SYNE2: variants seen among roughly 807,000 people sequenced by gnomAD.
SYNE2 encodes the protein nesprin-2.
A neutral mutation model predicts 856.3 loss-of-function variants in SYNE2; 431 were observed. The observed-to-expected ratio is 0.50, with a 90% CI of 0.47 to 0.55. SYNE2 has a LOEUF of 0.55. Among genes scored for constraint, SYNE2 ranks in the 20% least tolerant of loss-of-function variants. SYNE2 has a pLI of 0.00. For synonymous variants in SYNE2, 2,923 were observed against 2,872.3 expected (o/e 1.02, Z -0.56); for missense variants, 8,129 against 8,023.2 (o/e 1.01, Z -0.50).
In SYNE2 at chr14:63,990,560, G is replaced by GA; in HGVS notation, c.2466dup (p.Val823SerfsTer17). Reference sequence around the variant, plus strand: ...AGGCAAAGATTCAAGAAGCTAAAGAGAAAGTCCAGGTCTCTCTTTAATATT... The same window carrying GA: ...AGGCAAAGATTCAAGAAGCTAAAGAGAAAAGTCCAGGTCTCTCTTTAATATT... On this transcript the variant is annotated frameshift_variant, in exon 20 of 116. Coordinates refer to ENST00000555002, the MANE Select transcript of SYNE2 (RefSeq NM_182914.3). LOFTEE classifies it high-confidence loss of function. 1 of 1,613,892 alleles carries GA rather than the reference G, an allele frequency of 6.2e-7. No individual in the cohort carries two copies. Among genetic ancestry groups the GA allele is most frequent in the Non-Finnish European group, 8.5e-7 (1 of 1,179,878 alleles).
chr14:64,129,953 A>G (rs1555501068), intron 75 of SYNE2, 52 bp downstream of exon 75: 3 of 1,613,916 alleles, frequency 1.9e-6, no homozygotes, highest in Non-Finnish European at 2.5e-6. Flanking sequence ...GAGGAGCCAG[A>G]TCCTTTTCTT....
chr14:64,087,240 G>A (rs1234001832), intron 57 of SYNE2, among the ~76,000 whole-genome samples: 1 of 152,058 alleles, frequency 6.6e-6, no homozygotes, highest in Non-Finnish European at 1.5e-5. Context: ...TTGTGTAAGT[G>A]AATGTTCTTT....
intron 45 of SYNE2, among the ~76,000 whole-genome samples, chr14:64,031,861 AAAG>A (rs1415413611): frequency 3.3e-5 from 5 of 152,254 alleles, no homozygotes; most frequent in African/African-American, 4.8e-5. Context: ...TAGGGAGAAG[AAAG>A]AAGAATGTTT....
Position 64,174,962 on chromosome 14 carries a change from C to G in SYNE2, c.17254C>G (p.Gln5752Glu). ...TTCTTAGAATAAAGAAATTCATTTT[C>G]AAAGGAGGCGAACTACCTGTGCCCT... ...HELKNKEIHF[Q>E]RRRTTCALTL... The change falls in exon 95 of 116, where the codon CAA (glutamine) becomes GAA (glutamate). Residue 5752 changes from glutamine to glutamate, a missense_variant. Physicochemically the swap from Gln to Glu is conservative, Grantham distance 29. Coordinates refer to ENST00000555002, the MANE Select transcript of SYNE2 (RefSeq NM_182914.3). 1 of 1,614,038 alleles carries G rather than the reference C, an allele frequency of 6.2e-7. No homozygotes were observed. Among genetic ancestry groups the G allele is most frequent in the South Asian group, 1.1e-5 (1 of 91,070 alleles).
At chr14:63,828,883 T>A (rs1343730656) in intron 1 of SYNE2, among the ~76,000 whole-genome samples, 1 of 152,118 alleles carries the variant, frequency 6.6e-6, no homozygotes, top group Non-Finnish European at 1.5e-5. Flanking sequence ...CTTTTGCAGA[T>A]ACCAAGGGAA....
At chr14:64,003,972 G>A (rs765850806) in intron 30 of SYNE2, among the ~76,000 whole-genome samples, 4 of 152,048 alleles carry the variant, frequency 2.6e-5, no homozygotes, top group East Asian at 1.9e-4. Flanking sequence ...AGCAACAGTC[G>A]CTTTTGTGGA....
At chr14:64,109,206 T>C (rs946814225) in intron 65 of SYNE2, among the ~76,000 whole-genome samples, 2 of 151,438 alleles carry the variant, frequency 1.3e-5, no homozygotes, top group African/African-American at 4.9e-5. Flanking sequence ...CTGCTTAATA[T>C]TGTTTCTGCT....
intron 99 of SYNE2, among the ~76,000 whole-genome samples, chr14:64,197,281 C>T (rs143897879): frequency 3.3e-5 from 5 of 152,232 alleles, no homozygotes; most frequent in Admixed American, 6.5e-5. Flanking sequence ...CGTCAGCATG[C>T]GTGTGGTGTC....
chr14:63,928,830 T>C (rs1275910919), intron 2 of SYNE2, among the ~76,000 whole-genome samples: 1 of 152,188 alleles, frequency 6.6e-6, no homozygotes, highest in Non-Finnish European at 1.5e-5. Flanking sequence ...AATTTAATTA[T>C]CATCCTTACC....
intron 1 of SYNE2, among the ~76,000 whole-genome samples, chr14:63,843,083 A>G (rs1225176834): frequency 1.3e-5 from 2 of 151,934 alleles, no homozygotes; most frequent in African/African-American, 4.8e-5. Flanking sequence ...GCTGGAGTAC[A>G]GGTGGAGTGC....
chr14:63,802,977 C>T (rs545519161), intron 1 of SYNE2, among the ~76,000 whole-genome samples: 43 of 152,174 alleles, frequency 2.8e-4, no homozygotes, highest in Middle Eastern at 6.8e-3. Flanking sequence ...TTGCAAAGAG[C>T]GAAAGAACAA....
At chr14:64,099,117 C>G in intron 63 of SYNE2, 1 of 398,930 alleles carries the variant, frequency 2.5e-6, no homozygotes, top group South Asian at 2.3e-5. Flanking sequence ...GTTTTGAGAG[C>G]ATGCTGTTTG....
chr14:63,858,115 A>T (rs1206991087), intron 1 of SYNE2, among the ~76,000 whole-genome samples: 2 of 151,286 alleles, frequency 1.3e-5, no homozygotes, highest in African/African-American at 4.9e-5. Context: ...TTTTTATTTT[A>T]TTATTTATTT....
In SYNE2 at chr14:64,128,343, A is replaced by G. The variant is rs374280186; in HGVS notation, c.13918-109A>G. On this transcript the variant is annotated intron_variant, in intron 73 of 115. Coordinates refer to ENST00000555002, the MANE Select transcript of SYNE2 (RefSeq NM_182914.3). ...AAAATGGGGATTTCTCTATTTTTGT[A>G]TTTGTTTGAAATTTCTAGTGTCACA... is the stretch of plus-strand genomic sequence containing the variant. 155 of 678,066 alleles carry G rather than the reference A, an allele frequency of 2.3e-4. 1 individual carries two copies. The African/African-American group carries it at 2.3e-3, about 10-fold the overall frequency. The allele number at this position is 678,066 out of a possible 1,614,324, so 42.0% of individuals were successfully genotyped here. A position where few individuals can be genotyped will look rare whatever the true frequency, so the allele number is the denominator to read the frequency against.
intron 76 of SYNE2, among the ~76,000 whole-genome samples, chr14:64,130,922 C>T (rs901338794): frequency 1.3e-5 from 2 of 150,244 alleles, no homozygotes; most frequent in Non-Finnish European, 3.0e-5. Flanking sequence ...TTCCTGAGAA[C>T]TAGAATCAAA....
intron 1 of SYNE2, among the ~76,000 whole-genome samples, chr14:63,836,895 T>C (rs1889875281): frequency 6.6e-6 from 1 of 152,254 alleles, no homozygotes; most frequent in African/African-American, 2.4e-5. Flanking sequence ...ATTCTGTTTC[T>C]AAGTGGTGTC....
At chr14:63,888,796 T>C (rs1437415174) in intron 1 of SYNE2, among the ~76,000 whole-genome samples, 2 of 152,216 alleles carry the variant, frequency 1.3e-5, no homozygotes, top group African/African-American at 4.8e-5. Context: ...TTATGAACCA[T>C]CAAGATGTAA....
At chr14:64,177,292 A>G (rs2098439516) in intron 95 of SYNE2, 66 bp from the exon 96 acceptor site, 2 of 1,578,068 alleles carry the variant, frequency 1.3e-6, no homozygotes, top group South Asian at 1.1e-5. Flanking sequence ...TAAATGAGCT[A>G]TTCTATTTCT....
Position 64,125,145 on chromosome 14 carries a change from G to A in SYNE2, c.13489G>A (p.Glu4497Lys). The A allele has an allele frequency of 6.2e-7, 1 of 1,614,176 alleles. No homozygotes were observed. The highest frequency in any genetic ancestry group is 8.5e-7 in the Non-Finnish European group (1 of 1,180,036). The stretch of plus-strand genomic sequence containing the variant: ...TAACTTTAGATACCCAACAACTGAA[G>A]AACTGAAAACCTATACCACCCAACT... ...MYNFRYPTTE[E>K]LKTYTTQLED... The change falls in exon 71 of 116, where the codon GAA becomes AAA. Residue 4497 changes from glutamate to lysine, a missense_variant. By Grantham distance (56) the Glu-to-Lys change is moderately conservative (BLOSUM62 1). Transcript: ENST00000555002.
Sources: gnomAD v4.1 joint callset for allele counts (sites outside exome capture counted in the v4.1 genomes callset) on GRCh38, gnomAD v4.1.1 for gene constraint, MANE v1.5 for transcripts, NCBI Gene and HGNC (gene_info 2026-07-23, HGNC 2026-07-21) for gene names.